The following TMEM217B variants were observed in gnomAD, a reference collection of about 807,000 sequenced individuals.
TMEM217B encodes the protein transmembrane protein 217B.
chr6:37,223,118 G>A, the TMEM217B span, among the ~76,000 whole-genome samples: 1 of 151,874 alleles, frequency 6.6e-6, no homozygotes, highest in Admixed American at 6.6e-5. Context: ...AAAATATGAA[G>A]GAGAAGTTAA....
the TMEM217B span, among the ~76,000 whole-genome samples, chr6:37,252,615 G>A: frequency 1.9e-4 from 17 of 91,212 alleles, no homozygotes; most frequent in African/African-American, 5.6e-4. Flanking sequence ...GTGTATGTGT[G>A]TGTATATATA....
the TMEM217B span, among the ~76,000 whole-genome samples, chr6:37,222,786 A>G: frequency 1.3e-5 from 2 of 152,232 alleles, no homozygotes; most frequent in African/African-American, 4.8e-5. Context: ...CGGCTGCAGT[A>G]GCACCCGGTG....
chr6:37,252,805 A>AT, the TMEM217B span, among the ~76,000 whole-genome samples: 6 of 151,222 alleles, frequency 4.0e-5, no homozygotes, highest in African/African-American at 1.2e-4. Context: ...CACTCCACTA[A>AT]TTTTTTGTAT....
the TMEM217B span, among the ~76,000 whole-genome samples, chr6:37,246,254 AT>A: frequency 7.9e-5 from 12 of 152,044 alleles, no homozygotes; most frequent in Non-Finnish European, 1.8e-4. Flanking sequence ...ACAAGCATCT[AT>A]TTTTCTTATT....
At chr6:37,247,991 C>T in the TMEM217B span, among the ~76,000 whole-genome samples, 3 of 152,150 alleles carry the variant, frequency 2.0e-5, no homozygotes, top group African/African-American at 7.2e-5. Context: ...TACAGTTTCT[C>T]ATATGTAATT....
chr6:37,216,843 G>T, the TMEM217B span, among the ~76,000 whole-genome samples: 3 of 152,130 alleles, frequency 2.0e-5, no homozygotes, highest in Admixed American at 2.0e-4. Flanking sequence ...AGTTTCTTTT[G>T]CCTCTCCATC....
chr6:37,231,226 A>ATTTTTTTT, the TMEM217B span, among the ~76,000 whole-genome samples: 2 of 87,446 alleles, frequency 2.3e-5, no homozygotes, highest in Non-Finnish European at 4.3e-5. Flanking sequence ...TGCCTGGCTA[A>ATTTTTTTT]TTTTTTTTTT....
At chr6:37,228,568 G>A in the TMEM217B span, among the ~76,000 whole-genome samples, 1 of 152,234 alleles carries the variant, frequency 6.6e-6, no homozygotes, top group Non-Finnish European at 1.5e-5. Context: ...GCCAGACGTG[G>A]TGGCATGTGC....
At chr6:37,216,030 T>A in the TMEM217B span, among the ~76,000 whole-genome samples, 698 of 128,248 alleles carry the variant, frequency 5.4e-3, 2 homozygotes, top group African/African-American at 0.018. Flanking sequence ...TGTGTGTGTG[T>A]GTGAGAAACA....
At chr6:37,225,837 A>T in the TMEM217B span, among the ~76,000 whole-genome samples, 1 of 152,184 alleles carries the variant, frequency 6.6e-6, no homozygotes, top group Admixed American at 6.5e-5. Flanking sequence ...GTGCCACTTT[A>T]CAGTCTTGCT....
chr6:37,242,477 T>C, the TMEM217B span, among the ~76,000 whole-genome samples: 1 of 152,202 alleles, frequency 6.6e-6, no homozygotes, highest in African/African-American at 2.4e-5. Flanking sequence ...TTTAACTCTC[T>C]GAGTGGGGAA....
chr6:37,216,925 A>G, the TMEM217B span, among the ~76,000 whole-genome samples: 2 of 152,200 alleles, frequency 1.3e-5, no homozygotes, highest in East Asian at 3.9e-4. Flanking sequence ...CAGACACCAA[A>G]CCTACTGGCA....
At chr6:37,246,094 G>A in the TMEM217B span, among the ~76,000 whole-genome samples, 6 of 152,082 alleles carry the variant, frequency 3.9e-5, no homozygotes, top group South Asian at 8.3e-4. Flanking sequence ...GAGCCACTGC[G>A]CCCGGCCAAC....
chr6:37,239,891 TAAAA>T, the TMEM217B span, among the ~76,000 whole-genome samples: 1 of 133,764 alleles, frequency 7.5e-6, no homozygotes, highest in South Asian at 2.4e-4. Flanking sequence ...CCCAGCTCAT[TAAAA>T]AAAAAAAAAA....
At chr6:37,216,071 T>TTTTA in the TMEM217B span, among the ~76,000 whole-genome samples, 472 of 151,884 alleles carry the variant, frequency 3.1e-3, 6 homozygotes, top group African/African-American at 9.9e-3. Context: ...CAGATTTGAA[T>TTTTA]TTTATTTATT....
the TMEM217B span, among the ~76,000 whole-genome samples, chr6:37,229,491 C>T: frequency 6.6e-6 from 1 of 151,708 alleles, no homozygotes; most frequent in East Asian, 1.9e-4. Flanking sequence ...TACAGGCGCC[C>T]GCCACCACGC....
the TMEM217B span, among the ~76,000 whole-genome samples, chr6:37,240,634 T>C: frequency 1.3e-5 from 2 of 152,174 alleles, no homozygotes; most frequent in African/African-American, 4.8e-5. Flanking sequence ...CATAAGGGTG[T>C]AAATACCAGG....
chr6:37,231,511 A>G, the TMEM217B span, among the ~76,000 whole-genome samples: 1 of 150,334 alleles, frequency 6.7e-6, no homozygotes, highest in Admixed American at 6.6e-5. Flanking sequence ...CGTCTTCACT[A>G]AAAATACAAA....
the TMEM217B span, among the ~76,000 whole-genome samples, chr6:37,252,633 ATATATTTTT>A: frequency 0.015 from 1,106 of 75,138 alleles, 4 homozygotes; most frequent in Middle Eastern, 0.077. Context: ...ATATATATAT[ATATATTTTT>A]TTTTTTTTTT....
Sources: allele counts gnomAD v4.1 joint callset (sites outside exome capture counted in the v4.1 genomes callset), GRCh38; gene constraint gnomAD v4.1.1; transcripts MANE v1.5; gene names NCBI Gene and HGNC (gene_info 2026-07-23, HGNC 2026-07-21).